Variants in MBP observed in about 807,000 individuals in gnomAD.
MBP encodes the protein Golli-MBP.
MBP carries 16 observed loss-of-function variants against 35.8 expected under a neutral mutation model. The observed-to-expected ratio is 0.45, with a 90% confidence interval of 0.30 to 0.68. MBP has a LOEUF of 0.68. MBP is among the 30% of genes least tolerant of loss of function. MBP has a pLI of 0.08. For missense variants in MBP, 380 were observed against 404.7 expected (o/e 0.94, Z 0.52); for synonymous variants, 143 against 159.6 (o/e 0.90, Z 0.78).
intron 4 of MBP, among the ~76,000 whole-genome samples, chr18:76,999,620 ATTT>A (rs930934704): frequency 6.6e-6 from 1 of 151,846 alleles, no homozygotes. Context: ...TACCTGGCTA[ATTT>A]TTGTTCAGTG....
At chr18:77,118,551 C>A (rs1035562128) in intron 1 of MBP, among the ~76,000 whole-genome samples, 2 of 151,504 alleles carry the variant, frequency 1.3e-5, no homozygotes, top group African/African-American at 4.9e-5. Context: ...AGAGACAGTG[C>A]GGAAAGCTGG....
At chr18:77,040,467 T>G (rs1208790971) in intron 3 of MBP, among the ~76,000 whole-genome samples, 1 of 151,874 alleles carries the variant, frequency 6.6e-6, no homozygotes, top group Non-Finnish European at 1.5e-5. Context: ...GAGCCCGCAT[T>G]GCCAAGTCAA....
intron 2 of MBP, among the ~76,000 whole-genome samples, chr18:77,089,093 G>A (rs1188896796): frequency 6.6e-6 from 1 of 152,214 alleles, no homozygotes; most frequent in Non-Finnish European, 1.5e-5. Flanking sequence ...ATCCTCCCAC[G>A]GGACACAGGG....
chr18:77,010,703 T>C (rs1232681814), intron 4 of MBP, among the ~76,000 whole-genome samples: 2 of 152,252 alleles, frequency 1.3e-5, no homozygotes, highest in Admixed American at 6.5e-5. Context: ...ACCTGAGCTC[T>C]GCGGCTACAA....
chr18:77,023,947 G>A (rs1313603324), intron 3 of MBP, among the ~76,000 whole-genome samples: 1 of 152,318 alleles, frequency 6.6e-6, no homozygotes, highest in Admixed American at 6.5e-5. Context: ...ATGGTGTGGG[G>A]CCTCCACAGA....
chr18:76,984,971 C>T lies in MBP; in HGVS notation c.751-77G>A. 3.1e-6 allele frequency: 5 copies of T among 1,589,276 alleles called. No individual in the cohort carries two copies. The South Asian group carries it at 3.3e-5, about 11-fold the overall frequency. ...TGCTTGAGCCACTGGGAGCTGCCAC[C>T]AGGGCCCCGGGGAAGGGCCCAGGCC... On this transcript the variant is annotated intron_variant, in intron 7 of 8. Transcript: ENST00000355994.
Position 76,980,274 on chromosome 18 carries a change from G to C in MBP, c.*153C>G. The C allele has an allele frequency of 1.3e-6, 1 of 758,910 alleles. No homozygotes were observed. The highest frequency in any genetic ancestry group is 2.4e-5 in the East Asian group (1 of 40,940). 47.0% of individuals were successfully genotyped at this position (758,910 alleles called of 1,614,324 possible). The stretch of plus-strand genomic sequence containing the variant: ...ACTGTTGGCCGGAAATTGCCGGTAG[G>C]CTGCCGTGGCCTGACCCTACTACGT... On this transcript the variant is annotated 3_prime_UTR_variant, in exon 9 of 9. Transcript: ENST00000355994.
At chr18:77,009,609 A>G (rs984505916) in intron 4 of MBP, among the ~76,000 whole-genome samples, 1 of 152,208 alleles carries the variant, frequency 6.6e-6, no homozygotes, top group African/African-American at 2.4e-5. Flanking sequence ...TTTGCAGAGG[A>G]TTCCCTCCAA....
At chr18:77,084,422 CA>C (rs1214786540) in intron 2 of MBP, among the ~76,000 whole-genome samples, 13 of 33,772 alleles carry the variant, frequency 3.8e-4, no homozygotes, top group Admixed American at 2.6e-3. Flanking sequence ...CCCCCCCCGC[CA>C]CACCACACCA....
At chr18:77,001,994 C>T (rs1318658340) in intron 4 of MBP, among the ~76,000 whole-genome samples, 1 of 152,230 alleles carries the variant, frequency 6.6e-6, no homozygotes, top group Admixed American at 6.5e-5. Context: ...TCAGATCACA[C>T]ATATTAACAC....
At chr18:77,084,020 T>TA (rs1555726539) in intron 2 of MBP, among the ~76,000 whole-genome samples, 128 of 148,844 alleles carry the variant, frequency 8.6e-4, no homozygotes, top group African/African-American at 2.7e-3. Flanking sequence ...TTTTTTTTTT[T>TA]AAAAAACCCA....
chr18:77,109,066 G>C (rs1300998009), intron 1 of MBP: 1 of 152,334 alleles, frequency 6.6e-6, no homozygotes, highest in African/African-American at 2.4e-5. Flanking sequence ...GCTAGGGTTA[G>C]GGTTGGGGTA....
rs1456775504 is a variant in MBP at position 77,066,350 on chromosome 18, C to T, written c.87G>A (p.Lys29=). The T allele has an allele frequency of 1.2e-6, 2 of 1,614,042 alleles. No individual in the cohort carries two copies. Among genetic ancestry groups the T allele is most frequent in the Non-Finnish European group, 8.5e-7 (1 of 1,179,894 alleles). ...SETNRGESEK[K]RNLGELSRTT... is the part of the protein sequence containing the mutation. ...TCCGTGAAAGTTCACCCAGGTTTCT[C>T]TTTTTTTCAGATTCTCCTCTGTTAG... The change falls in exon 3 of 9, where the codon AAG becomes AAA. Residue 29 remains lysine (K), a synonymous_variant. Coordinates refer to ENST00000355994, the MANE Select transcript of MBP (RefSeq NM_001025101.2).
intron 2 of MBP, among the ~76,000 whole-genome samples, chr18:77,098,188 T>TTTTTTTTTTTTTTTTTA: frequency 1.3e-5 from 2 of 149,518 alleles, no homozygotes; most frequent in African/African-American, 2.5e-5. Flanking sequence ...TTTTTTTTTT[T>TTTTTTTTTTTTTTTTTA]TACAATAATA....
intron 4 of MBP, among the ~76,000 whole-genome samples, chr18:76,993,787 AC>A (rs748851591): frequency 4.0e-4 from 61 of 151,956 alleles, no homozygotes; most frequent in Non-Finnish European, 7.4e-4. Context: ...CCCTCTGTTT[AC>A]TGACACCTCC....
chr18:76,986,071 C>T (rs542528365), intron 7 of MBP: 7 of 985,628 alleles, frequency 7.1e-6, no homozygotes, highest in East Asian at 2.3e-4. Context: ...GGAGTCTGGG[C>T]GCGGTGGACG....
At chr18:77,112,132 C>T (rs546635107) in intron 1 of MBP, among the ~76,000 whole-genome samples, 6 of 151,078 alleles carry the variant, frequency 4.0e-5, no homozygotes, top group East Asian at 2.0e-4. Context: ...CAGCTACCAA[C>T]GTCACCAAAA....
At chr18:76,982,170 C>G (rs772765299) in intron 8 of MBP, 1 of 152,274 alleles carries the variant, frequency 6.6e-6, no homozygotes, top group Admixed American at 6.5e-5. Context: ...ATCATCCTCT[C>G]TTTATAGCTC....
intron 3 of MBP, among the ~76,000 whole-genome samples, chr18:77,027,456 G>GCAGGGC (rs1167417957): frequency 1.3e-5 from 2 of 152,202 alleles, no homozygotes; most frequent in Non-Finnish European, 2.9e-5. Flanking sequence ...CTGGGCAGGG[G>GCAGGGC]CAGGGCCAGG....
Sources: gnomAD v4.1 joint callset for allele counts (sites outside exome capture counted in the v4.1 genomes callset) on GRCh38, gnomAD v4.1.1 for gene constraint, MANE v1.5 for transcripts, NCBI Gene and HGNC (gene_info 2026-07-23, HGNC 2026-07-21) for gene names.